Variants in ACSL6 observed in about 807,000 individuals in gnomAD.
ACSL6 encodes long-chain-fatty-acid--CoA ligase 6.
ACSL6 carries 47 observed loss-of-function variants against 98.2 expected under a neutral mutation model. The ratio of observed to expected loss-of-function variants is 0.48; its 90% confidence interval spans 0.38 to 0.61. The LOEUF (loss-of-function observed/expected upper bound fraction) is 0.61. ACSL6 is among the 20% of genes least tolerant of loss of function. ACSL6 has a pLI of 0.00. For synonymous variants in ACSL6, 362 were observed against 336.9 expected (o/e 1.07, Z -0.82); for missense variants, 761 against 913.4 (o/e 0.83, Z 2.15).
At chr5:131,973,480 C>T (rs1753432363) in intron 11 of ACSL6, 80 bp from the exon 12 acceptor site, 1 of 1,486,294 alleles carries the variant, frequency 6.7e-7, no homozygotes, top group East Asian at 2.4e-5. Flanking sequence ...CAAAGTGCTG[C>T]CCTACATGGA....
intron 20 of ACSL6, among the ~76,000 whole-genome samples, chr5:131,954,637 T>C (rs561677627): frequency 6.6e-6 from 1 of 152,292 alleles, no homozygotes; most frequent in African/African-American, 2.4e-5. Flanking sequence ...AGAGGAATCA[T>C]GAATGCCTCT....
chr5:131,974,726 C>T (rs369620269), intron 11 of ACSL6, 167 bp downstream of exon 11: 157 of 1,589,774 alleles, frequency 9.9e-5, no homozygotes, highest in Non-Finnish European at 1.3e-4. Context: ...GTTCTAGGCA[C>T]AGAGTGTGCC....
At chr5:131,957,869 G>A (rs1752497978) in intron 20 of ACSL6, among the ~76,000 whole-genome samples, 1 of 152,220 alleles carries the variant, frequency 6.6e-6, no homozygotes, top group African/African-American at 2.4e-5. Flanking sequence ...TAGGGAGGAT[G>A]TCATAGACCA....
At chr5:131,972,915 T>C (rs1176312376) in intron 12 of ACSL6, 57 bp from the exon 13 acceptor site, 1 of 1,611,880 alleles carries the variant, frequency 6.2e-7, no homozygotes, top group Admixed American at 1.7e-5. Flanking sequence ...TTTCTAGATA[T>C]ATCCCCCAGG....
intron 9 of ACSL6, among the ~76,000 whole-genome samples, chr5:131,978,266 A>T (rs1753721203): frequency 6.6e-6 from 1 of 152,194 alleles, no homozygotes. Context: ...TACACCAAAG[A>T]CAGAAGCTGA....
In ACSL6 at chr5:131,978,532, C is replaced by G. The variant is rs577321738; in HGVS notation, c.917-1811G>C. On this transcript the variant is annotated intron_variant, in intron 9 of 20. Transcript: ENST00000651883. ...GAAGGACCGTGCCCTCCTTACCAAG[C>G]CTGCAGCCAGCCCTCGCTCGGGAAA... Among the ~76,000 whole-genome samples the G allele has an allele frequency of 2.0e-5, 3 of 152,276 alleles. No homozygotes were observed. In the South Asian group the frequency reaches 6.2e-4, roughly 32 times the overall value.
intron 20 of ACSL6, among the ~76,000 whole-genome samples, chr5:131,956,111 A>T (rs778313978): frequency 2.0e-5 from 3 of 152,200 alleles, no homozygotes; most frequent in Non-Finnish European, 2.9e-5. Flanking sequence ...TATAATTGGG[A>T]CAAGAGTCTA....
At chr5:131,975,765 G>A in intron 10 of ACSL6, 11 of 985,474 alleles carry the variant, frequency 1.1e-5, no homozygotes, top group Non-Finnish European at 1.3e-5. Context: ...ATCTGGGTGG[G>A]CTGTGCCTCC....
rs35083562 is a variant in ACSL6, at chr5:131,970,411, A to ATT, written c.1435-213_1435-212dup. 1.4e-4 allele frequency among the ~76,000 whole-genome samples: 20 copies of ATT among 139,636 alleles called. 1 individual carries two copies. The highest frequency in any genetic ancestry group is 2.5e-4 in the Non-Finnish European group (16 of 63,936). The allele number at this position is 139,636 out of a possible 152,430, so 91.6% of individuals were successfully genotyped here. On this transcript the variant is annotated intron_variant, in intron 14 of 20. Coordinates refer to ENST00000651883, the MANE Select transcript of ACSL6 (RefSeq NM_001009185.3). ...GCCACATTTGCTTGGAAGAAGTGCTATTTTTTTTTTTTTTTTGAGACGGAG... is the reference window on the plus strand; with the variant it reads ...GCCACATTTGCTTGGAAGAAGTGCTATTTTTTTTTTTTTTTTTTGAGACGGAG...
Position 131,967,966 on chromosome 5 carries a change from A to T in ACSL6, c.1570T>A (p.Tyr524Asn). The T allele has an allele frequency of 6.2e-7, 1 of 1,614,064 alleles. No homozygotes were observed. The highest frequency in any genetic ancestry group is 8.5e-7 in the Non-Finnish European group (1 of 1,179,960). ...IKLVDVEELN[Y>N]WACKGEGEIC... ...TCTCCCTCTCCTTTGCAGGCCCAGTAGTTCAGTTCCTCAACATCAACGAGC... is the reference window on the plus strand; with the variant it reads ...TCTCCCTCTCCTTTGCAGGCCCAGTTGTTCAGTTCCTCAACATCAACGAGC... Residue 524 changes from tyrosine to asparagine, a missense_variant, in exon 16 of 21, where the codon TAC becomes AAC. Transcript: ENST00000651883.
chr5:131,976,080 T>C, intron 10 of ACSL6: 1 of 985,474 alleles, frequency 1.0e-6, no homozygotes, highest in Non-Finnish European at 1.2e-6. Flanking sequence ...CTGCAGGACA[T>C]ACTCACCACT....
At position 131,987,548 on chromosome 5, in the gene ACSL6, G is replaced by C. The variant is rs73264096; in HGVS notation, c.831+500C>G. Among the ~76,000 whole-genome samples the C allele has an allele frequency of 5.3e-3, 803 of 152,322 alleles. 5 individuals carry two copies. Among genetic ancestry groups the C allele is most frequent in the African/African-American group, 0.018 (760 of 41,558 alleles). On this transcript the variant is annotated intron_variant, in intron 7 of 20. Transcript: ENST00000651883. ...CTACTGGGCAGGGCCTGAGGCCTTGGAGGCCAGGATGTCCTGTGTCACCCC... is the reference window on the plus strand; with the variant it reads ...CTACTGGGCAGGGCCTGAGGCCTTGCAGGCCAGGATGTCCTGTGTCACCCC...
At chr5:131,997,672 C>T (rs1754862421) in intron 1 of ACSL6, among the ~76,000 whole-genome samples, 1 of 152,220 alleles carries the variant, frequency 6.6e-6, no homozygotes, top group African/African-American at 2.4e-5. Flanking sequence ...TCTCCTCCTA[C>T]CTGGGGTGAT....
chr5:132,002,330 C>A (rs141197607), intron 1 of ACSL6, among the ~76,000 whole-genome samples: 268 of 152,340 alleles, frequency 1.8e-3, no homozygotes, highest in Non-Finnish European at 3.2e-3. Flanking sequence ...CTGGCTCAAA[C>A]TTAGGACACA....
At chr5:131,993,468 C>A in intron 2 of ACSL6, 1 of 159,236 alleles carries the variant, frequency 6.3e-6, no homozygotes, top group Non-Finnish European at 1.4e-5. Flanking sequence ...GAACAGAATT[C>A]AAGAGGAGAA....
Position 131,970,209 on chromosome 5 carries a change from A to G in ACSL6, c.1435-9T>C. The G allele has an allele frequency of 6.2e-7, 1 of 1,613,930 alleles. No individual in the cohort carries two copies. Among genetic ancestry groups the G allele is most frequent in the East Asian group, 2.2e-5 (1 of 44,862 alleles). Reference sequence around the variant, plus strand: ...CCATAACCTTCATAAACCTTCAAACAAAACACAGAAGCCACACTATGGGCA... The same window carrying G: ...CCATAACCTTCATAAACCTTCAAACGAAACACAGAAGCCACACTATGGGCA... On this transcript the variant is annotated splice_polypyrimidine_tract_variant and intron_variant, in intron 14 of 20. Coordinates refer to ENST00000651883, the MANE Select transcript of ACSL6 (RefSeq NM_001009185.3).
At chr5:132,011,863 C>T (rs1168899225), upstream of ACSL6, 2 of 1,520,374 alleles carry the variant, frequency 1.3e-6, no homozygotes, top group East Asian at 2.6e-5. This position sits in a 1 kb window ranked among gnomAD's most constrained non-coding sequence, Gnocchi z 5.4. Context: ...GGGAGGGGCC[C>T]GGCCGCAGAG....
rs189104743 is a variant in ACSL6, at chr5:131,953,558, T to A, written c.*676A>T. ...AGATGGAGACTGCAATGAGCCATGA[T>A]TAAGCCACTGCACTCCAGCCTAGGT... is the stretch of plus-strand genomic sequence containing the variant. On this transcript the variant is annotated 3_prime_UTR_variant, in exon 21 of 21. Coordinates refer to ENST00000651883, the MANE Select transcript of ACSL6 (RefSeq NM_001009185.3). 15 of 189,266 alleles carry A rather than the reference T, an allele frequency of 7.9e-5. No homozygotes were observed. Among genetic ancestry groups the A allele is most frequent in the Middle Eastern group, 1.9e-3 (1 of 520 alleles). 11.7% of individuals were successfully genotyped at this position (189,266 alleles called of 1,614,324 possible). A position where few individuals can be genotyped will look rare whatever the true frequency, so the allele number is the denominator to read the frequency against.
intron 9 of ACSL6, among the ~76,000 whole-genome samples, chr5:131,979,741 T>C (rs1004607612): frequency 3.9e-5 from 6 of 152,214 alleles, no homozygotes; most frequent in Admixed American, 6.5e-5. Context: ...CAGAATCAAA[T>C]TGCAGAATTT....
Sources: gnomAD v4.1 joint callset for allele counts (sites outside exome capture counted in the v4.1 genomes callset) on GRCh38, gnomAD v4.1.1 for gene constraint, Gnocchi (gnomAD v3.1) non-coding constraint, MANE v1.5 for transcripts, NCBI Gene and HGNC (gene_info 2026-07-23, HGNC 2026-07-21) for gene names.